RNF220: variants seen among roughly 807,000 people sequenced by gnomAD.
RNF220 encodes E3 ubiquitin-protein ligase RNF220.
Under a neutral mutation model 67.1 loss-of-function variants are expected in RNF220, and 7 were observed. The ratio of observed to expected loss-of-function variants is 0.10; its 90% confidence interval spans 0.06 to 0.20. RNF220 has a LOEUF of 0.20. RNF220 is among the 10% of genes least tolerant of loss of function. RNF220 has a pLI of 1.00. For synonymous variants in RNF220, 270 were observed against 283.2 expected, an observed-to-expected ratio of 0.95 and a Z score of 0.47; for missense variants, 565 against 740.3, an observed-to-expected ratio of 0.76 and a Z score of 2.75.
chr1:44,561,896 G>A (rs1235587447), intron 2 of RNF220, among the ~76,000 whole-genome samples: 1 of 152,188 alleles, frequency 6.6e-6, no homozygotes, highest in Non-Finnish European at 1.5e-5. Context: ...CAGCCTGGTT[G>A]ACAAAGGGAG....
chr1:44,612,357 A>G (rs752768671), intron 2 of RNF220, among the ~76,000 whole-genome samples: 2 of 152,256 alleles, frequency 1.3e-5, no homozygotes, highest in Non-Finnish European at 2.9e-5. Context: ...TCTGTCCCAC[A>G]AGGAACTCAC....
At chr1:44,534,545 G>A (rs1327537054) in intron 2 of RNF220, among the ~76,000 whole-genome samples, 1 of 152,094 alleles carries the variant, frequency 6.6e-6, no homozygotes, top group Admixed American at 6.5e-5. Flanking sequence ...CTTCTTCACT[G>A]CTGGACTTTG....
chr1:44,626,368 C>T lies in RNF220; in HGVS notation c.876C>T (p.Thr292=), dbSNP rs554391068. The T allele has an allele frequency of 1.4e-5, 22 of 1,613,960 alleles. No homozygotes were observed. The highest frequency in any genetic ancestry group is 6.7e-5 in the East Asian group (3 of 44,882). The change falls in exon 5 of 15, where the codon ACC becomes ACT. Residue 292 remains threonine (T), a synonymous_variant. Transcript: ENST00000361799. Reference sequence around the variant, plus strand: ...CGGCATCACCCCACTCATCTGCCACCGATGACCTCCACCATTCAGACAGAT... The same window carrying T: ...CGGCATCACCCCACTCATCTGCCACTGATGACCTCCACCATTCAGACAGAT... The part of the protein sequence containing the change: ...SPTASPHSSA[T]DDLHHSDRYQ...
chr1:44,518,035 A>G (rs1160081652), intron 2 of RNF220, among the ~76,000 whole-genome samples: 5 of 152,294 alleles, frequency 3.3e-5, no homozygotes, highest in Admixed American at 2.0e-4. Flanking sequence ...TGAACCCGGG[A>G]GGCGGAGGTT....
intron 3 of RNF220, among the ~76,000 whole-genome samples, chr1:44,617,970 T>C (rs1643633453): frequency 6.6e-6 from 1 of 151,592 alleles, no homozygotes; most frequent in Non-Finnish European, 1.5e-5. Flanking sequence ...TGCCTTTGCC[T>C]CCATTGCCTC....
At chr1:44,418,001 C>T (rs1648759382) in intron 2 of RNF220, among the ~76,000 whole-genome samples, 1 of 152,124 alleles carries the variant, frequency 6.6e-6, no homozygotes, top group Non-Finnish European at 1.5e-5. Context: ...TCGCGCCCCC[C>T]GCCCTGCCCC....
chr1:44,463,426 A>G (rs1301366763), intron 2 of RNF220, among the ~76,000 whole-genome samples: 2 of 152,020 alleles, frequency 1.3e-5, no homozygotes, highest in African/African-American at 2.4e-5. Context: ...GAATATTTTT[A>G]TGATGTTTCT....
chr1:44,517,426 G>A (rs550003474), intron 2 of RNF220, among the ~76,000 whole-genome samples: 15 of 151,958 alleles, frequency 9.9e-5, no homozygotes, highest in East Asian at 1.9e-4. Context: ...CAGAGAACTC[G>A]TCCCAGTCTA....
intron 2 of RNF220, among the ~76,000 whole-genome samples, chr1:44,508,169 G>A (rs1365103997): frequency 6.6e-6 from 1 of 150,610 alleles, no homozygotes; most frequent in Non-Finnish European, 1.5e-5. Context: ...TTTCTTTCCC[G>A]AGGCAGGGTT....
chr1:44,413,549 A>C (rs4660794), intron 2 of RNF220, among the ~76,000 whole-genome samples: 69,341 of 152,068 alleles, frequency 0.46, 16,228 homozygotes, highest in East Asian at 0.59. Flanking sequence ...TGAACCCTGC[A>C]ATCTTTTGCT....
At chr1:44,566,144 C>A (rs1459884865) in intron 2 of RNF220, among the ~76,000 whole-genome samples, 6 of 152,192 alleles carry the variant, frequency 3.9e-5, no homozygotes, top group Non-Finnish European at 8.8e-5. Flanking sequence ...GGGCAGGGAC[C>A]CTTTTTGTCA....
intron 2 of RNF220, among the ~76,000 whole-genome samples, chr1:44,453,162 C>A (rs896942826): frequency 2.6e-5 from 4 of 152,060 alleles, no homozygotes; most frequent in Non-Finnish European, 5.9e-5. Flanking sequence ...TGTGGCTGAT[C>A]TTTTATTAAG....
At chr1:44,538,859 T>A (rs1661444278) in intron 2 of RNF220, among the ~76,000 whole-genome samples, 1 of 133,998 alleles carries the variant, frequency 7.5e-6, no homozygotes, top group Non-Finnish European at 1.5e-5. Context: ...GAGGCTGCAG[T>A]GAGCTGAGAT....
intron 2 of RNF220, among the ~76,000 whole-genome samples, chr1:44,488,058 C>T (rs950274909): frequency 6.6e-6 from 1 of 151,290 alleles, no homozygotes; most frequent in Non-Finnish European, 1.5e-5. Flanking sequence ...CAGCCTCGAC[C>T]TCCCAAGGCT....
In RNF220 at chr1:44,408,520, T is replaced by A. The variant is rs186613530; in HGVS notation, c.-118+2990T>A. ...AAGTCTGTGAACTTAAAAAAAAAAT[T>A]TTTTTCCTGCGTTCTTAACAACCCC... On this transcript the variant is annotated intron_variant, in intron 1 of 14. Coordinates refer to ENST00000361799, the MANE Select transcript of RNF220 (RefSeq NM_018150.4). Among the ~76,000 whole-genome samples the A allele has an allele frequency of 7.5e-3, 1,148 of 152,196 alleles. 16 individuals carry two copies. The highest frequency in any genetic ancestry group is 0.026 in the African/African-American group (1,090 of 41,556).
chr1:44,470,912 G>A (rs2147991030), intron 2 of RNF220, among the ~76,000 whole-genome samples: 1 of 152,228 alleles, frequency 6.6e-6, no homozygotes, highest in South Asian at 2.1e-4. Context: ...TACTTGAGAA[G>A]GTGACCTTCT....
chr1:44,418,308 G>A (rs530304857), intron 2 of RNF220, among the ~76,000 whole-genome samples: 2 of 152,316 alleles, frequency 1.3e-5, no homozygotes, highest in South Asian at 4.1e-4. Context: ...GAGGTTGGAC[G>A]TGTGTACAGC....
chr1:44,448,069 T>C (rs568386281), intron 2 of RNF220, among the ~76,000 whole-genome samples: 1 of 152,224 alleles, frequency 6.6e-6, no homozygotes, highest in South Asian at 2.1e-4. Flanking sequence ...GAGGCCAAGG[T>C]GGACGGGTCA....
chr1:44,599,823 T>TA (rs949792683), intron 2 of RNF220, among the ~76,000 whole-genome samples: 1 of 152,166 alleles, frequency 6.6e-6, no homozygotes, highest in East Asian at 1.9e-4. Flanking sequence ...GCATGTATGA[T>TA]AAAGAGTTCA....
Sources: gnomAD v4.1 joint callset for allele counts (sites outside exome capture counted in the v4.1 genomes callset) on GRCh38, gnomAD v4.1.1 for gene constraint, MANE v1.5 for transcripts, NCBI Gene and HGNC (gene_info 2026-07-23, HGNC 2026-07-21) for gene names.